Variants in FAHD1 observed in about 807,000 individuals in gnomAD.
FAHD1 encodes FAH domain containing oxaloacetate decarboxylase 1, also known as oxaloacetate tautomerase FAHD1, mitochondrial.
FAHD1 carries 14 observed loss-of-function variants against 12.7 expected under a neutral mutation model. The ratio of observed to expected loss-of-function variants is 1.10; its 90% confidence interval spans 0.73 to 1.72. The LOEUF (loss-of-function observed/expected upper bound fraction) is 1.72, where lower values mean the gene tolerates loss of function less well. Among genes scored for constraint, FAHD1 ranks in the 40% most tolerant of loss-of-function variants. The probability of loss-of-function intolerance (pLI) is 0.00; values close to 1 mark genes in which losing one functional copy is unlikely to be tolerated. For synonymous variants in FAHD1, 153 were observed against 124.9 expected, an observed-to-expected ratio of 1.22 and a Z score of -1.50; for missense variants, 351 against 298.9, an observed-to-expected ratio of 1.17 and a Z score of -1.29.
chr16:1,839,222 T>C (rs1898832701), intron 2 of FAHD1: 2 of 1,522,016 alleles, frequency 1.3e-6, no homozygotes, highest in East Asian at 2.4e-5. Flanking sequence ...ACTTTGGAAA[T>C]ATTCTAAACA....
chr16:1,838,423 A>G (rs1306975175), intron 2 of FAHD1, among the ~76,000 whole-genome samples: 1 of 152,238 alleles, frequency 6.6e-6, no homozygotes, highest in East Asian at 1.9e-4. Flanking sequence ...ATTTGGAACT[A>G]AAGTCTAATG....
chr16:1,828,335 A>G (rs1898554007), exon 1 of FAHD1: 3 of 1,005,654 alleles, frequency 3.0e-6, no homozygotes, highest in Non-Finnish European at 3.6e-6. Context: ...CTATGCCTCA[A>G]CTCATAGAAG....
downstream of FAHD1, among the ~76,000 whole-genome samples, chr16:1,829,292 A>G (rs62038392): frequency 0.18 from 27,051 of 152,170 alleles, 2,561 homozygotes; most frequent in South Asian, 0.27. Flanking sequence ...TATTGAACAC[A>G]GTACTGTTAG....
At chr16:1,839,190 A>AT (rs1898831623) in intron 2 of FAHD1, 15 of 1,459,688 alleles carry the variant, frequency 1.0e-5, no homozygotes, top group Admixed American at 5.4e-5. Context: ...AACAACCTAT[A>AT]TTTTTTTGGG....
downstream of FAHD1, among the ~76,000 whole-genome samples, chr16:1,833,553 A>AC (rs1555470425): frequency 1.0e-5 from 1 of 99,046 alleles, no homozygotes; most frequent in African/African-American, 4.2e-5. Flanking sequence ...CTTTAGAGGT[A>AC]CTTTTTTTTT....
intron 1 of FAHD1, chr16:1,834,146 C>G: frequency 1.6e-6 from 1 of 643,046 alleles, no homozygotes; most frequent in South Asian, 2.0e-5. Flanking sequence ...GAAACATGTT[C>G]ACCACATGTA....
In FAHD1 at chr16:1,836,114, A is replaced by G. The variant is rs192569823; in HGVS notation, c.628-1902A>G. ...CCCCTTTGAATCCTTCTTCTCCCCT[A>G]TATCTTACTGGTCCCCTCATTAATT... On this transcript the variant is annotated intron_variant, in intron 1 of 2. Coordinates refer to the FAHD1 transcript ENST00000382666. Among the ~76,000 whole-genome samples the G allele has an allele frequency of 4.2e-3, 635 of 151,976 alleles. 15 individuals carry two copies. Among genetic ancestry groups the G allele is most frequent in the Non-Finnish European group, 1.5e-3 (102 of 67,976 alleles).
rs140989113 is a variant in FAHD1 at position 1,827,739 on chromosome 16, C to G, written c.501C>G (p.Pro167=). ...CATCCTCCATGATTTTTTCCATCCC[C>G]TACATCATCAGCTATGTTTCTAAGA... Residue 167 remains proline (P), a synonymous_variant, in exon 1 of 1, where the codon CCC becomes CCG. Coordinates refer to ENST00000427358, the Ensembl canonical transcript of FAHD1. 3.1e-6 allele frequency: 5 copies of G among 1,614,006 alleles called. No individual in the cohort carries two copies. The African/African-American group carries it at 6.7e-5, about 22-fold the overall frequency.
chr16:1,838,128 G>C (rs780340817), exon 2 of FAHD1: 101 of 602,066 alleles, frequency 1.7e-4, no homozygotes, highest in Non-Finnish European at 2.6e-4. Context: ...CGTTTCTGAG[G>C]TTACAGGTAT....
At chr16:1,832,780 C>T (rs750604329), downstream of FAHD1, among the ~76,000 whole-genome samples, 24 of 152,068 alleles carry the variant, frequency 1.6e-4, no homozygotes, top group Non-Finnish European at 2.8e-4. Flanking sequence ...TCCTTCCTTC[C>T]CTGTCCACCC....
At chr16:1,828,007 C>T (rs1898538313) in exon 1 of FAHD1, 1 of 1,509,074 alleles carries the variant, frequency 6.6e-7, no homozygotes, top group Non-Finnish European at 8.8e-7. Flanking sequence ...ATTGGCCGGA[C>T]GCGGTGGCTC....
downstream of FAHD1, among the ~76,000 whole-genome samples, chr16:1,831,585 T>G (rs34705505): frequency 0.18 from 27,008 of 152,068 alleles, 2,555 homozygotes; most frequent in South Asian, 0.27. Flanking sequence ...GATTGCACAC[T>G]TTTCAGATGC....
chr16:1,829,312 C>T (rs532738700), downstream of FAHD1, among the ~76,000 whole-genome samples: 15 of 152,246 alleles, frequency 9.9e-5, no homozygotes, highest in African/African-American at 3.6e-4. Flanking sequence ...GGCACCATGC[C>T]AAGCAGTTTA....
exon 1 of FAHD1, chr16:1,827,522 C>T: frequency 1.2e-6 from 2 of 1,613,160 alleles, no homozygotes; most frequent in Non-Finnish European, 1.7e-6. Flanking sequence ...GGCGGCTATG[C>T]CCTGTGCCTG....
intron 1 of FAHD1, among the ~76,000 whole-genome samples, chr16:1,836,677 C>T (rs1031428143): frequency 4.6e-5 from 7 of 151,390 alleles, no homozygotes; most frequent in African/African-American, 1.7e-4. Context: ...AATGGGAAAA[C>T]CTGCTTATGA....
chr16:1,835,500 TGA>T (rs1898719173), intron 1 of FAHD1, among the ~76,000 whole-genome samples: 2 of 151,988 alleles, frequency 1.3e-5, no homozygotes, highest in African/African-American at 4.8e-5. Context: ...ATTTCAAGAC[TGA>T]GAGAAAAAAA....
chr16:1,834,440 A>G, intron 1 of FAHD1: 1 of 778,308 alleles, frequency 1.3e-6, no homozygotes, highest in Non-Finnish European at 2.2e-6. Flanking sequence ...TGAAAAATCA[A>G]TGATCACGAA....
At chr16:1,828,941 A>C (rs1434285279), downstream of FAHD1, 1 of 998,666 alleles carries the variant, frequency 1.0e-6, no homozygotes, top group Non-Finnish European at 1.2e-6. Context: ...TTTTCCCCCC[A>C]GTAATGACGA....
rs144948758 is a variant in FAHD1, at chr16:1,827,746, A to C, written c.508A>C (p.Ile170Leu). Residue 170 changes from isoleucine (I) to leucine (L), a missense_variant, in exon 1 of 1, where the codon ATC becomes CTC. Ile to Leu is a conservative substitution (Grantham distance 5, BLOSUM62 2). Transcript: ENST00000427358. ...CATGATTTTTTCCATCCCCTACATC[A>C]TCAGCTATGTTTCTAAGATCATAAC... 302 of 1,614,014 alleles carry C rather than the reference A, an allele frequency of 1.9e-4. No individual in the cohort carries two copies. Among genetic ancestry groups the C allele is most frequent in the Non-Finnish European group, 2.3e-4 (274 of 1,180,042 alleles).
Sources: allele counts gnomAD v4.1 joint callset (sites outside exome capture counted in the v4.1 genomes callset), GRCh38; gene constraint gnomAD v4.1.1; transcripts MANE v1.5; gene names NCBI Gene and HGNC (gene_info 2026-07-23, HGNC 2026-07-21).